Variants in MAX observed in about 807,000 individuals in gnomAD.
MAX encodes the protein protein max.
Under a neutral mutation model 22.3 loss-of-function variants are expected in MAX, and 3 were observed. The observed-to-expected ratio is 0.13, with a 90% CI of 0.06 to 0.35. The LOEUF (loss-of-function observed/expected upper bound fraction) is 0.35, where lower values mean the gene tolerates loss of function less well. MAX is among the 10% of genes least tolerant of loss of function. The pLI is 1.00. For synonymous variants in MAX, 72 were observed against 77.7 expected (o/e 0.93, Z 0.39); for missense variants, 119 against 209.4 (o/e 0.57, Z 2.66).
At chr14:65,036,426 G>A (rs1297210053) in intron 3 of MAX, among the ~76,000 whole-genome samples, 3 of 144,718 alleles carry the variant, frequency 2.1e-5, no homozygotes, top group Admixed American at 6.9e-5. Context: ...TAGTAGAGAC[G>A]GGGTTTTCCC....
intron 3 of MAX, among the ~76,000 whole-genome samples, chr14:65,017,889 A>G (rs983093569): frequency 6.6e-6 from 1 of 152,136 alleles, no homozygotes; most frequent in Non-Finnish European, 1.5e-5. Flanking sequence ...TAGGAGGCGG[A>G]GGTTGCAGTG....
rs1183866852 is a variant in MAX, at chr14:65,032,012, G to GTGTGTGTGTA, written c.172-25729_172-25728insTACACACACA. The stretch of plus-strand genomic sequence containing the variant: ...TGTGTGTGTGTGTGTGTGTGTGTGT[G>GTGTGTGTGTA]TGTGTGTACTGGTGAGAGGTTTGAA... On this transcript the variant is annotated intron_variant, in intron 3 of 3. Transcript: ENST00000341653. This position sits in a 1 kb window ranked among gnomAD's most constrained non-coding sequence, Gnocchi z 5.0. 2.0e-5 allele frequency among the ~76,000 whole-genome samples: 3 copies of GTGTGTGTGTA among 151,746 alleles called. No homozygotes were observed. The highest frequency in any genetic ancestry group is 7.3e-5 in the African/African-American group (3 of 41,234).
At position 65,007,311 on chromosome 14, in the gene MAX, A is replaced by G. The variant is rs2061610295; in HGVS notation, c.172-1027T>C. ...AATACAGGAAGTAACCTTCACTGTTAGCTGAAGTGCATGGTTAGCTGTTAG... is the reference window on the plus strand; with the variant it reads ...AATACAGGAAGTAACCTTCACTGTTGGCTGAAGTGCATGGTTAGCTGTTAG... On this transcript the variant is annotated intron_variant, in intron 3 of 3. Coordinates refer to the MAX transcript ENST00000341653. The surrounding 1 kb of genome is among the most constrained non-coding windows in gnomAD (Gnocchi z 4.9). 6.6e-6 allele frequency among the ~76,000 whole-genome samples: 1 copy of G among 152,248 alleles called. No homozygotes were observed. The highest frequency in any genetic ancestry group is 1.5e-5 in the Non-Finnish European group (1 of 68,046).
chr14:65,097,948 T>TA (rs1240543052), intron 2 of MAX, among the ~76,000 whole-genome samples: 1 of 152,246 alleles, frequency 6.6e-6, no homozygotes, highest in Non-Finnish European at 1.5e-5. Context: ...CTAATGTATG[T>TA]ATTTGTTTTC....
intron 3 of MAX, among the ~76,000 whole-genome samples, chr14:65,052,006 G>T (rs913448601): frequency 6.6e-6 from 1 of 151,702 alleles, no homozygotes; most frequent in Non-Finnish European, 1.5e-5. Context: ...CGTGTTAGCC[G>T]GGATGGTCTC....
chr14:65,066,862 CAAAA>C (rs759184338), intron 3 of MAX, among the ~76,000 whole-genome samples: 2 of 88,852 alleles, frequency 2.3e-5, no homozygotes, highest in Non-Finnish European at 4.3e-5. Context: ...AATTCCATCT[CAAAA>C]AAAAAAAAAA....
intron 3 of MAX, among the ~76,000 whole-genome samples, chr14:65,020,457 G>A (rs376449415): frequency 1.3e-5 from 2 of 151,716 alleles, no homozygotes; most frequent in Admixed American, 6.6e-5. Flanking sequence ...TGAGAGTCTC[G>A]CTCTGTTGCC....
Position 65,028,109 on chromosome 14 carries a change from G to A in MAX, c.172-21825C>T, listed in dbSNP as rs2062016951. ...GTGTAATGTATTCCTTCACCTCTCTGAGATAGGAAGGGAGGGGAAAGTCCA... is the reference window on the plus strand; with the variant it reads ...GTGTAATGTATTCCTTCACCTCTCTAAGATAGGAAGGGAGGGGAAAGTCCA... On this transcript the variant is annotated intron_variant, in intron 3 of 3. Coordinates refer to the MAX transcript ENST00000341653. This position sits in a 1 kb window ranked among gnomAD's most constrained non-coding sequence, Gnocchi z 4.4. Among the ~76,000 whole-genome samples the A allele has an allele frequency of 6.6e-6, 1 of 152,204 alleles. No individual in the cohort carries two copies. The highest frequency in any genetic ancestry group is 2.4e-5 in the African/African-American group (1 of 41,454).
At position 65,054,509 on chromosome 14, in the gene MAX, T is replaced by G. The variant is rs2062685712; in HGVS notation, c.171+39199A>C. 27 of 1,494,308 alleles carry G rather than the reference T, an allele frequency of 1.8e-5. No individual in the cohort carries two copies. Among genetic ancestry groups the G allele is most frequent in the Non-Finnish European group, 2.4e-5 (26 of 1,094,184 alleles). The allele number at this position is 1,494,308 out of a possible 1,614,324, so 92.6% of individuals were successfully genotyped here. A position where few individuals can be genotyped will look rare whatever the true frequency, so the allele number is the denominator to read the frequency against. On this transcript the variant is annotated intron_variant, in intron 3 of 3. Coordinates refer to the MAX transcript ENST00000341653. This position sits in a 1 kb window ranked among gnomAD's most constrained non-coding sequence, Gnocchi z 4.4. The stretch of plus-strand genomic sequence containing the variant: ...ATTGCACCAGTGGTCTCTGAATTGG[T>G]GTGGCTACATTTGTAGATGTGTGCG...
In MAX at chr14:65,012,410, C is replaced by T; in HGVS notation, c.172-6126G>A. ...ATGAGGTAAACACATTACCCAGGAA[C>T]TCTTGCTGTCAAATTATCCACCAAA... On this transcript the variant is annotated intron_variant, in intron 3 of 3. Transcript: ENST00000341653. This position sits in a 1 kb window ranked among gnomAD's most constrained non-coding sequence, Gnocchi z 5.0. 3 of 1,613,904 alleles carry T rather than the reference C, an allele frequency of 1.9e-6. No individual in the cohort carries two copies. Among genetic ancestry groups the T allele is most frequent in the South Asian group, 2.2e-5 (2 of 91,070 alleles).
chr14:65,006,156 C>CTTTTTTTTTTTTTTTTTTTTTTTTTTTTT, downstream of MAX: 1 of 1,500,752 alleles, frequency 6.7e-7, no homozygotes, highest in Non-Finnish European at 8.9e-7. Context: ...ACCTTTGTGT[C>CTTTTTTTTTTTTTTTTTTTTTTTTTTTTT]TTTTTTTTTT....
At chr14:65,017,648 TA>T (rs922736584) in intron 3 of MAX, among the ~76,000 whole-genome samples, 7 of 152,146 alleles carry the variant, frequency 4.6e-5, no homozygotes, top group African/African-American at 1.2e-4. Context: ...AGAGAATGTT[TA>T]AAAAAAATTT....
chr14:65,059,108 G>A (rs1344987454), intron 3 of MAX, among the ~76,000 whole-genome samples: 1 of 152,162 alleles, frequency 6.6e-6, no homozygotes, highest in South Asian at 2.1e-4. Context: ...CTGCAGCCTG[G>A]AACTCCTGGG....
rs1566554046 is a variant in MAX, at chr14:65,028,610, A to G, written c.172-22326T>C. Reference sequence around the variant, plus strand: ...TGAAAGTATAGGGGAGGAAAAAACCACGAACATTGTGGAGCATAAAATACA... The same window carrying G: ...TGAAAGTATAGGGGAGGAAAAAACCGCGAACATTGTGGAGCATAAAATACA... On this transcript the variant is annotated intron_variant, in intron 3 of 3. Coordinates refer to the MAX transcript ENST00000341653. The surrounding 1 kb of genome is among the most constrained non-coding windows in gnomAD (Gnocchi z 4.4). Among the ~76,000 whole-genome samples, 1 of 152,218 alleles carries G rather than the reference A, an allele frequency of 6.6e-6. No individual in the cohort carries two copies. Among genetic ancestry groups the G allele is most frequent in the Non-Finnish European group, 1.5e-5 (1 of 68,046 alleles).
At chr14:65,053,011 A>AAGTG in intron 3 of MAX, 1 of 310,528 alleles carries the variant, frequency 3.2e-6, no homozygotes, top group Non-Finnish European at 5.9e-6. Context: ...CATTTCAAGA[A>AAGTG]AGTGAAAGTG....
At chr14:65,064,453 A>T (rs1026117950) in intron 3 of MAX, among the ~76,000 whole-genome samples, 1 of 152,130 alleles carries the variant, frequency 6.6e-6, no homozygotes, top group Non-Finnish European at 1.5e-5. Flanking sequence ...CCATCTTTCT[A>T]CATTAGCCTC....
At chr14:65,065,815 C>T (rs1348579714) in intron 3 of MAX, among the ~76,000 whole-genome samples, 2 of 152,170 alleles carry the variant, frequency 1.3e-5, no homozygotes, top group Non-Finnish European at 2.9e-5. Flanking sequence ...CTAAGACAGT[C>T]CCTCCTGTTC....
chr14:65,089,868 C>T (rs2063452482), intron 3 of MAX: 1 of 137,062 alleles, frequency 7.3e-6, no homozygotes, highest in African/African-American at 2.6e-5. Context: ...GCTGATGATT[C>T]TAATTCCATC....
At chr14:65,013,450 A>G (rs2061716470) in intron 3 of MAX, among the ~76,000 whole-genome samples, 1 of 152,138 alleles carries the variant, frequency 6.6e-6, no homozygotes, top group Non-Finnish European at 1.5e-5. Context: ...CCTGTGGGCT[A>G]TGAATTTTCA....
Sources: gnomAD v4.1 joint callset for allele counts (sites outside exome capture counted in the v4.1 genomes callset) on GRCh38, gnomAD v4.1.1 for gene constraint, Gnocchi (gnomAD v3.1) non-coding constraint, MANE v1.5 for transcripts, NCBI Gene and HGNC (gene_info 2026-07-23, HGNC 2026-07-21) for gene names.